The following CACNB2 variants were observed in gnomAD, a reference collection of about 807,000 sequenced individuals.
CACNB2 encodes voltage-dependent L-type calcium channel subunit beta-2.
A neutral mutation model predicts 73.3 loss-of-function variants in CACNB2; 42 were observed. That is an observed-to-expected ratio of 0.57 (90% CI 0.45 to 0.74). The LOEUF (loss-of-function observed/expected upper bound fraction) is 0.74, where lower values mean the gene tolerates loss of function less well. CACNB2 is among the 30% of genes least tolerant of loss of function. The pLI is 0.00. For missense variants in CACNB2, 940 were observed against 853.0 expected (o/e 1.10, Z -1.27); for synonymous variants, 348 against 310.3 (o/e 1.12, Z -1.28).
intron 2 of CACNB2, among the ~76,000 whole-genome samples, chr10:18,375,409 G>T (rs2042755689): frequency 6.6e-6 from 1 of 152,158 alleles, no homozygotes; most frequent in African/African-American, 2.4e-5. Flanking sequence ...TAAGTCTTCT[G>T]AGAGGTAGTA....
intron 2 of CACNB2, among the ~76,000 whole-genome samples, chr10:18,388,575 C>A (rs532163466): frequency 2.0e-5 from 3 of 152,160 alleles, no homozygotes; most frequent in East Asian, 1.9e-4. Context: ...CTCTCTGAAC[C>A]AAAGTCATAT....
chr10:18,535,251 AACC>A (rs2053448888), intron 11 of CACNB2, among the ~76,000 whole-genome samples: 1 of 152,304 alleles, frequency 6.6e-6, no homozygotes, highest in African/African-American at 2.4e-5. Context: ...GTCTTTAAGG[AACC>A]ACCATTTGTT....
At chr10:18,538,467 C>A (rs2053825884) in intron 13 of CACNB2, 102 bp downstream of exon 13, 5 of 991,850 alleles carry the variant, frequency 5.0e-6, no homozygotes, top group South Asian at 2.7e-5. Context: ...CTGCTTGGGG[C>A]TTGTTCTAGT....
chr10:18,219,780 T>A (rs948824726), intron 2 of CACNB2, among the ~76,000 whole-genome samples: 1 of 151,664 alleles, frequency 6.6e-6, no homozygotes, highest in East Asian at 2.0e-4. Flanking sequence ...TCATTTTTTT[T>A]TTTTTTTGAG....
chr10:18,150,521 G>A (rs972639524), intron 1 of CACNB2, among the ~76,000 whole-genome samples: 1 of 152,146 alleles, frequency 6.6e-6, no homozygotes, highest in Non-Finnish European at 1.5e-5. Context: ...AAATTAGCCA[G>A]ACGTGGTGGC....
At chr10:18,472,221 C>CTTTTTTTTTTTTT (rs200348808) in intron 3 of CACNB2, among the ~76,000 whole-genome samples, 2 of 119,390 alleles carry the variant, frequency 1.7e-5, no homozygotes, top group African/African-American at 3.2e-5. Context: ...CACTTTTCTT[C>CTTTTTTTTTTTTT]TTTTTTTTTT....
intron 2 of CACNB2, among the ~76,000 whole-genome samples, chr10:18,217,894 A>G (rs74984931): frequency 2.4e-3 from 359 of 152,120 alleles, no homozygotes; most frequent in African/African-American, 8.2e-3. Context: ...CCCCTGCGTT[A>G]CCCTTGGTAG....
chr10:18,489,331 A>C (rs1464503235), intron 3 of CACNB2, among the ~76,000 whole-genome samples: 1 of 142,896 alleles, frequency 7.0e-6, no homozygotes, highest in East Asian at 2.2e-4. Context: ...CGGTGGTTGC[A>C]GTGAGTTGAG....
At chr10:18,434,529 G>A (rs968549379) in intron 3 of CACNB2, among the ~76,000 whole-genome samples, 11 of 152,036 alleles carry the variant, frequency 7.2e-5, no homozygotes, top group Non-Finnish European at 1.2e-4. Context: ...TTTTAGTCTC[G>A]TGACCACTTT....
At chr10:18,364,335 C>T (rs1204263052) in intron 2 of CACNB2, among the ~76,000 whole-genome samples, 1 of 149,424 alleles carries the variant, frequency 6.7e-6, no homozygotes, top group Non-Finnish European at 1.5e-5. Context: ...GAGTCTTGCT[C>T]TGTCACCCAG....
intron 2 of CACNB2, among the ~76,000 whole-genome samples, chr10:18,230,341 A>C (rs2036177047): frequency 6.6e-6 from 1 of 152,184 alleles, no homozygotes; most frequent in Non-Finnish European, 1.5e-5. Flanking sequence ...TTCTACAGAA[A>C]ACTTCTTCTT....
At position 18,540,323 on chromosome 10, in the gene CACNB2, TTATATATATAATATATA is replaced by T. The variant is rs1486851927; in HGVS notation, c.*607_*623del. On this transcript the variant is annotated 3_prime_UTR_variant, in exon 14 of 14. Coordinates refer to ENST00000324631, the MANE Select transcript of CACNB2 (RefSeq NM_201596.3). ...ATTTCTGCAAACAAACACCTTCTTA[TTATATATATAATATATA>T]TATATATCAGTTTGATCACACTATT... is the stretch of plus-strand genomic sequence containing the variant. 1 of 139,532 alleles carries T rather than the reference TTATATATATAATATATA, an allele frequency of 7.2e-6. No individual in the cohort carries two copies. Among genetic ancestry groups the T allele is most frequent in the Non-Finnish European group, 1.6e-5 (1 of 63,468 alleles). The allele number at this position is 139,532 out of a possible 1,614,324, so 8.6% of individuals were successfully genotyped here.
intron 2 of CACNB2, among the ~76,000 whole-genome samples, chr10:18,291,389 T>C (rs145534324): frequency 6.6e-6 from 1 of 152,322 alleles, no homozygotes; most frequent in Non-Finnish European, 1.5e-5. Context: ...GGAACACCTC[T>C]GTGATTTTGG....
chr10:18,345,571 T>G (rs2041414818), intron 2 of CACNB2, among the ~76,000 whole-genome samples: 1 of 152,226 alleles, frequency 6.6e-6, no homozygotes, highest in African/African-American at 2.4e-5. Context: ...CTTCCTTCTT[T>G]CTTTCCTATT....
chr10:18,185,230 G>A (rs963137545), intron 2 of CACNB2, among the ~76,000 whole-genome samples: 1 of 152,116 alleles, frequency 6.6e-6, no homozygotes, highest in Non-Finnish European at 1.5e-5. Flanking sequence ...TAAAAATTGA[G>A]ATATCATTCA....
chr10:18,452,541 C>G (rs533395864), intron 3 of CACNB2, among the ~76,000 whole-genome samples: 1 of 152,042 alleles, frequency 6.6e-6, no homozygotes, highest in African/African-American at 2.4e-5. Context: ...CAAGGTTGAC[C>G]TTTTTTAATT....
chr10:18,313,671 C>A (rs1192667217), intron 2 of CACNB2, among the ~76,000 whole-genome samples: 1 of 152,040 alleles, frequency 6.6e-6, no homozygotes, highest in Non-Finnish European at 1.5e-5. Context: ...AATAAATAAT[C>A]AATCTATTAA....
At position 18,446,194 on chromosome 10, in the gene CACNB2, A is replaced by C. The variant is rs547157900; in HGVS notation, c.333+44151A>C. Among the ~76,000 whole-genome samples, 6 of 152,310 alleles carry C rather than the reference A, an allele frequency of 3.9e-5. No homozygotes were observed. In the South Asian group the frequency reaches 1.2e-3, roughly 32 times the overall value. On this transcript the variant is annotated intron_variant, in intron 3 of 13. Transcript: ENST00000324631. ...TAAGGACCAGGGGTCCTTTTGGATG[A>C]AGCATGAAGCACAGAAGAATGGAGG...
chr10:18,165,468 A>C (rs2131117159), intron 2 of CACNB2, among the ~76,000 whole-genome samples: 1 of 152,352 alleles, frequency 6.6e-6, no homozygotes, highest in Non-Finnish European at 1.5e-5. Flanking sequence ...GCTGAAGTGC[A>C]AAGGCACGAT....
Sources: allele counts gnomAD v4.1 joint callset (sites outside exome capture counted in the v4.1 genomes callset), GRCh38; gene constraint gnomAD v4.1.1; transcripts MANE v1.5; gene names NCBI Gene and HGNC (gene_info 2026-07-23, HGNC 2026-07-21).